The following RBFOX1 variants were observed in gnomAD, a reference collection of about 807,000 sequenced individuals.
RBFOX1 encodes the protein RNA binding protein fox-1 homolog 1.
In RBFOX1, 8 loss-of-function variants were observed where a neutral mutation model predicts 57.7. The ratio of observed to expected loss-of-function variants is 0.14; its 90% confidence interval spans 0.08 to 0.25. RBFOX1 has a LOEUF of 0.25. RBFOX1 is among the 10% of genes least tolerant of loss of function. RBFOX1 has a pLI of 1.00. For missense variants in RBFOX1, 611 were observed against 548.5 expected, an observed-to-expected ratio of 1.11 and a Z score of -1.14; for synonymous variants, 326 against 222.4, an observed-to-expected ratio of 1.47 and a Z score of -4.15.
At chr16:5,729,438 GT>G (rs1386426984) in intron 3 of RBFOX1, among the ~76,000 whole-genome samples, 1 of 30,526 alleles carries the variant, frequency 3.3e-5, no homozygotes, top group Non-Finnish European at 6.6e-5. Flanking sequence ...ATGGATTATT[GT>G]TTTTTTCGTT....
Position 5,728,159 on chromosome 16 carries a change from G to A in RBFOX1, c.318+129198G>A, listed in dbSNP as rs982283403. ...CTCAAAGAGATATCTGTGTCATCAC[G>A]CTCATTGCAGCACTGTTGACAATAG... On this transcript the variant is annotated intron_variant, in intron 3 of 19. Coordinates refer to the RBFOX1 transcript ENST00000641259. Among the ~76,000 whole-genome samples the A allele has an allele frequency of 5.3e-5, 8 of 152,164 alleles. No homozygotes were observed. The South Asian group carries it at 8.3e-4, about 16-fold the overall frequency.
chr16:6,425,841 G>C (rs1256615736), intron 2 of RBFOX1, among the ~76,000 whole-genome samples: 1 of 151,936 alleles, frequency 6.6e-6, no homozygotes, highest in African/African-American at 2.4e-5. Context: ...TTTTATGGAG[G>C]GAAAATTTAC....
intron 2 of RBFOX1, among the ~76,000 whole-genome samples, chr16:6,563,033 G>A (rs922781909): frequency 1.3e-5 from 2 of 151,850 alleles, no homozygotes. Context: ...AATGTCATTT[G>A]CACAATTAGA....
intron 4 of RBFOX1, among the ~76,000 whole-genome samples, chr16:7,192,035 C>T (rs1040859195): frequency 2.6e-5 from 4 of 152,118 alleles, no homozygotes; most frequent in Non-Finnish European, 1.5e-5. Context: ...TAGAGGGAAA[C>T]AGTTTTTAAT....
intron 2 of RBFOX1, among the ~76,000 whole-genome samples, chr16:6,602,149 C>T (rs2154008440): frequency 6.6e-6 from 1 of 151,606 alleles, no homozygotes; most frequent in African/African-American, 2.4e-5. Context: ...AATCCTTTGC[C>T]CATTTTTTAA....
intron 1 of RBFOX1, among the ~76,000 whole-genome samples, chr16:5,287,471 GA>G (rs1180132692): frequency 6.6e-6 from 1 of 152,190 alleles, no homozygotes; most frequent in African/African-American, 2.4e-5. Context: ...AAAATCTACA[GA>G]GATAAAGGAC....
chr16:5,408,412 G>A (rs1330961620), intron 1 of RBFOX1, among the ~76,000 whole-genome samples: 1 of 152,138 alleles, frequency 6.6e-6, no homozygotes, highest in Non-Finnish European at 1.5e-5. Flanking sequence ...AGGGTGCCGC[G>A]GTATGAATAG....
chr16:5,486,802 T>A (rs1476556554), intron 2 of RBFOX1, among the ~76,000 whole-genome samples: 1 of 151,728 alleles, frequency 6.6e-6, no homozygotes, highest in Non-Finnish European at 1.5e-5. Flanking sequence ...TTTTTTTTTC[T>A]TTTAACTTAA....
intron 3 of RBFOX1, among the ~76,000 whole-genome samples, chr16:6,806,532 C>G (rs757983406): frequency 1.3e-5 from 2 of 152,012 alleles, no homozygotes; most frequent in African/African-American, 2.4e-5. Context: ...AGTTCACCAT[C>G]TTACATGGAT....
intron 3 of RBFOX1, among the ~76,000 whole-genome samples, chr16:5,788,217 C>A (rs987887492): frequency 6.6e-6 from 1 of 152,188 alleles, no homozygotes; most frequent in Admixed American, 6.5e-5. Context: ...TTTATTTACC[C>A]TGGATGGAGA....
chr16:5,596,878 T>G (rs1428874259), intron 2 of RBFOX1, among the ~76,000 whole-genome samples: 1 of 151,906 alleles, frequency 6.6e-6, no homozygotes, highest in Non-Finnish European at 1.5e-5. Context: ...ACATCATTTG[T>G]GTTTATTTGT....
intron 3 of RBFOX1, among the ~76,000 whole-genome samples, chr16:5,802,872 T>G (rs1337425019): frequency 6.6e-6 from 1 of 152,198 alleles, no homozygotes; most frequent in Admixed American, 6.5e-5. Flanking sequence ...ATTCATTCAT[T>G]AATCATACAG....
Position 5,749,281 on chromosome 16 carries a change from T to C in RBFOX1, c.319-118022T>C, listed in dbSNP as rs542511033. On this transcript the variant is annotated intron_variant, in intron 3 of 19. Coordinates refer to the RBFOX1 transcript ENST00000641259. ...CTTTGTGTGTAACCCGACCTTTCTCTCTGGCTGCCCTTAACATTTTTTCCT... is the reference window on the plus strand; with the variant it reads ...CTTTGTGTGTAACCCGACCTTTCTCCCTGGCTGCCCTTAACATTTTTTCCT... 4.6e-5 allele frequency among the ~76,000 whole-genome samples: 7 copies of C among 152,322 alleles called. No individual in the cohort carries two copies. In the South Asian group the frequency reaches 1.5e-3, roughly 32 times the overall value.
In RBFOX1 at chr16:7,136,852, G is replaced by T. The variant is rs915552914; in HGVS notation, c.27+84754G>T. Among the ~76,000 whole-genome samples, 9 of 152,312 alleles carry T rather than the reference G, an allele frequency of 5.9e-5. No homozygotes were observed. In the East Asian group the frequency reaches 1.7e-3, roughly 29 times the overall value. ...TGTACCAGAGGGGTTAATGCTACAT[G>T]GGTTTATTTCTCTCATACACAAAAT... is the stretch of plus-strand genomic sequence containing the variant. On this transcript the variant is annotated intron_variant, in intron 4 of 15. Transcript: ENST00000550418.
At chr16:7,625,289 G>C (rs1490185077) in intron 10 of RBFOX1, among the ~76,000 whole-genome samples, 1 of 152,120 alleles carries the variant, frequency 6.6e-6, no homozygotes, top group Non-Finnish European at 1.5e-5. Flanking sequence ...GTTCCTAATG[G>C]CGGGTATTTG....
intron 3 of RBFOX1, among the ~76,000 whole-genome samples, chr16:6,714,622 A>G (rs6500814): frequency 0.76 from 115,189 of 151,936 alleles, 44,162 homozygotes; most frequent in Middle Eastern, 0.91. Context: ...GAAGAAATGC[A>G]GGTATTGAAG....
chr16:6,478,720 G>T (rs2095324050), intron 2 of RBFOX1, among the ~76,000 whole-genome samples: 1 of 151,876 alleles, frequency 6.6e-6, no homozygotes, highest in South Asian at 2.1e-4. Context: ...GAATGGGAAG[G>T]CCAAGGAGAG....
intron 3 of RBFOX1, among the ~76,000 whole-genome samples, chr16:5,780,117 C>G (rs529258508): frequency 6.6e-6 from 1 of 152,278 alleles, no homozygotes; most frequent in Non-Finnish European, 1.5e-5. Context: ...AGTTCTCTGC[C>G]TCAGCATCCA....
chr16:5,878,794 A>G (rs377577514), intron 4 of RBFOX1, among the ~76,000 whole-genome samples: 27 of 152,220 alleles, frequency 1.8e-4, no homozygotes, highest in African/African-American at 6.5e-4. Context: ...TTTCTGGTAA[A>G]CTAAAAAAAC....
Sources: allele counts gnomAD v4.1 joint callset (sites outside exome capture counted in the v4.1 genomes callset), GRCh38; gene constraint gnomAD v4.1.1; transcripts MANE v1.5; gene names NCBI Gene and HGNC (gene_info 2026-07-23, HGNC 2026-07-21).